COL23A1: variants seen among roughly 807,000 people sequenced by gnomAD.
COL23A1 encodes the protein collagen type XXIII alpha 1 chain.
COL23A1 carries 97 observed loss-of-function variants against 99.3 expected under a neutral mutation model. That is an observed-to-expected ratio of 0.98 (90% CI 0.83 to 1.16). The LOEUF (loss-of-function observed/expected upper bound fraction) is 1.16, where lower values mean the gene tolerates loss of function less well. Among genes scored for constraint, COL23A1 ranks in the 50% most tolerant of loss-of-function variants. The probability of loss-of-function intolerance (pLI) is 0.00; values close to 1 mark genes in which losing one functional copy is unlikely to be tolerated. For missense variants in COL23A1, 762 were observed against 757.4 expected (o/e 1.01, Z -0.07); for synonymous variants, 320 against 308.2 (o/e 1.04, Z -0.40).
At chr5:178,260,032 C>A (rs907717527) in intron 11 of COL23A1, among the ~76,000 whole-genome samples, 6 of 152,246 alleles carry the variant, frequency 3.9e-5, no homozygotes, top group South Asian at 2.1e-4. Context: ...GCTGGCTAAG[C>A]AAGCTCTTTC....
chr5:178,253,732 C>T (rs1472276699), intron 16 of COL23A1, among the ~76,000 whole-genome samples: 1 of 151,970 alleles, frequency 6.6e-6, no homozygotes, highest in African/African-American at 2.4e-5. Flanking sequence ...CCACCTGCCT[C>T]GGGCTCCCAA....
At position 178,572,067 on chromosome 5, in the gene COL23A1, C is replaced by CAAAAAAAAAAAAAAAA. The variant is rs1288485909; in HGVS notation, c.295-11320_295-11319insTTTTTTTTTTTTTTTT. ...TGGGTGACAGAGCGAGACTCTTTCT[C>CAAAAAAAAAAAAAAAA]AAAACAAAAAAAAAAAAGACCTAAA... On this transcript the variant is annotated intron_variant, in intron 1 of 28. Coordinates refer to ENST00000390654, the MANE Select transcript of COL23A1 (RefSeq NM_173465.4). Among the ~76,000 whole-genome samples the CAAAAAAAAAAAAAAAA allele has an allele frequency of 6.3e-4, 34 of 54,300 alleles. 5 individuals are homozygous for CAAAAAAAAAAAAAAAA. The highest frequency in any genetic ancestry group is 4.8e-3 in the African/African-American group (32 of 6,642). The allele number at this position is 54,300 out of a possible 152,430, so 35.6% of individuals were successfully genotyped here. A position where few individuals can be genotyped will look rare whatever the true frequency, so the allele number is the denominator to read the frequency against.
chr5:178,239,091 C>T, intron 28 of COL23A1, 50 bp downstream of exon 28: 1 of 1,604,848 alleles, frequency 6.2e-7, no homozygotes, highest in Non-Finnish European at 8.5e-7. Context: ...CATTCCCCCA[C>T]CCTCCCCTGC....
intron 8 of COL23A1, among the ~76,000 whole-genome samples, chr5:178,266,383 A>G (rs1268753720): frequency 6.6e-6 from 1 of 151,868 alleles, no homozygotes; most frequent in Non-Finnish European, 1.5e-5. Flanking sequence ...GTGTGTGCGC[A>G]TATGTGTGTG....
chr5:178,466,614 G>A (rs1756435690), intron 2 of COL23A1, among the ~76,000 whole-genome samples: 5 of 152,212 alleles, frequency 3.3e-5, no homozygotes, highest in South Asian at 4.1e-4. Flanking sequence ...AGGGACCCAC[G>A]TATTGCTGTT....
At chr5:178,314,097 G>A (rs1758850103) in intron 2 of COL23A1, among the ~76,000 whole-genome samples, 2 of 152,072 alleles carry the variant, frequency 1.3e-5, no homozygotes, top group Admixed American at 1.3e-4. Context: ...GCTCCTGGAG[G>A]GGACACTGAG....
chr5:178,537,501 G>A (rs1029005845), intron 2 of COL23A1, among the ~76,000 whole-genome samples: 3 of 152,224 alleles, frequency 2.0e-5, no homozygotes, highest in Non-Finnish European at 4.4e-5. Flanking sequence ...TGGGACTGAC[G>A]GAGGACAAGG....
intron 2 of COL23A1, among the ~76,000 whole-genome samples, chr5:178,404,563 G>A (rs1352800747): frequency 6.6e-6 from 1 of 151,720 alleles, no homozygotes; most frequent in Non-Finnish European, 1.5e-5. Context: ...GATTCCTTAT[G>A]GTGAACCTGG....
At position 178,263,331 on chromosome 5, in the gene COL23A1, G is replaced by A; in HGVS notation, c.523-7C>T. 1.9e-6 allele frequency: 3 copies of A among 1,558,518 alleles called. No homozygotes were observed. The highest frequency in any genetic ancestry group is 2.6e-6 in the Non-Finnish European group (3 of 1,146,052). On this transcript the variant is annotated splice_region_variant and splice_polypyrimidine_tract_variant and intron_variant, in intron 8 of 28. Transcript: ENST00000390654. ...CATCTTGTCCTTGGTCTCCCTGAAA[G>A]AGATGGGGCTTGGCATGACTCTGAG...
intron 18 of COL23A1, 66 bp from the exon 19 acceptor site, chr5:178,249,272 G>T: frequency 6.7e-7 from 1 of 1,491,948 alleles, no homozygotes; most frequent in Non-Finnish European, 9.4e-7. Context: ...CCCCCAGCAG[G>T]TCCCCAGAGC....
At chr5:178,249,716 A>ACACACACACACACACACACTCT in intron 18 of COL23A1, among the ~76,000 whole-genome samples, 2 of 92,752 alleles carry the variant, frequency 2.2e-5, no homozygotes, top group African/African-American at 8.5e-5. Context: ...ACACACACAC[A>ACACACACACACACACACACTCT]CTCTCTCTCT....
At chr5:178,573,403 G>A (rs58918122) in intron 1 of COL23A1, among the ~76,000 whole-genome samples, 2,746 of 152,306 alleles carry the variant, frequency 0.018, 76 homozygotes, top group African/African-American at 0.061. Context: ...CCCGGCCACC[G>A]CACTTGGCAG....
intron 2 of COL23A1, chr5:178,442,913 C>G (rs1412862814): frequency 6.6e-6 from 1 of 152,256 alleles, no homozygotes; most frequent in African/African-American, 2.4e-5. Context: ...AGGGTGGCCT[C>G]CCACGGTCTC....
rs1254576416 is a variant in COL23A1, at chr5:178,544,755, C to G, written c.361+15927G>C. Among the ~76,000 whole-genome samples the G allele has an allele frequency of 3.3e-5, 5 of 152,146 alleles. No homozygotes were observed. The highest frequency in any genetic ancestry group is 1.2e-4 in the African/African-American group (5 of 41,432). Reference sequence around the variant, plus strand: ...CAGCCTCCAGGTCACCTGCTGCCCCCGTGCCACTGGGGTAGTACGTTCGGG... The same window carrying G: ...CAGCCTCCAGGTCACCTGCTGCCCCGGTGCCACTGGGGTAGTACGTTCGGG... On this transcript the variant is annotated intron_variant, in intron 2 of 28. Transcript: ENST00000390654. This position sits in a 1 kb window ranked among gnomAD's most constrained non-coding sequence, Gnocchi z 4.4.
chr5:178,345,206 G>T, intron 2 of COL23A1: 1 of 852,762 alleles, frequency 1.2e-6, no homozygotes, highest in South Asian at 1.3e-5. Flanking sequence ...CCAGATGTGC[G>T]GGGTTAGAGA....
At chr5:178,469,376 C>G (rs1323394913) in intron 2 of COL23A1, among the ~76,000 whole-genome samples, 1 of 152,166 alleles carries the variant, frequency 6.6e-6, no homozygotes, top group Non-Finnish European at 1.5e-5. Context: ...CTCCCTGGTC[C>G]CAGCCTGGCC....
intron 3 of COL23A1, among the ~76,000 whole-genome samples, chr5:178,298,212 C>T (rs1375993806): frequency 6.6e-6 from 1 of 152,168 alleles, no homozygotes; most frequent in East Asian, 1.9e-4. Context: ...ATTCTGGGGC[C>T]TCTTAGGCTG....
intron 22 of COL23A1, among the ~76,000 whole-genome samples, 172 bp from the exon 23 acceptor site, chr5:178,246,625 C>T (rs563359727): frequency 6.6e-6 from 1 of 152,280 alleles, no homozygotes; most frequent in African/African-American, 2.4e-5. Context: ...GAGCTCTGGC[C>T]ATGCGCATTG....
intron 2 of COL23A1, among the ~76,000 whole-genome samples, chr5:178,336,471 G>T (rs927891153): frequency 6.6e-5 from 10 of 152,244 alleles, no homozygotes; most frequent in Non-Finnish European, 1.5e-4. Flanking sequence ...TGTGCTAAGT[G>T]AATGAAGCCA....
Sources: gnomAD v4.1 joint callset for allele counts (sites outside exome capture counted in the v4.1 genomes callset) on GRCh38, gnomAD v4.1.1 for gene constraint, Gnocchi (gnomAD v3.1) non-coding constraint, MANE v1.5 for transcripts, NCBI Gene and HGNC (gene_info 2026-07-23, HGNC 2026-07-21) for gene names.